The following CHRM3 variants were observed in gnomAD, a reference collection of about 807,000 sequenced individuals.
The protein encoded by CHRM3 is cholinergic receptor muscarinic 3, also known as muscarinic acetylcholine receptor M3.
In CHRM3, 11 loss-of-function variants were observed where a neutral mutation model predicts 41.8. That is an observed-to-expected ratio of 0.26 (90% confidence interval 0.17 to 0.44). CHRM3 has a LOEUF of 0.44. Among genes scored for constraint, CHRM3 ranks in the 20% least tolerant of loss-of-function variants. CHRM3 has a pLI of 1.00. For missense variants in CHRM3, 571 were observed against 745.4 expected, an observed-to-expected ratio of 0.77 and a Z score of 2.72; for synonymous variants, 297 against 301.4, an observed-to-expected ratio of 0.99 and a Z score of 0.15.
chr1:239,766,235 A>G (rs1467127126), intron 5 of CHRM3, among the ~76,000 whole-genome samples: 1 of 152,232 alleles, frequency 6.6e-6, no homozygotes, highest in Non-Finnish European at 1.5e-5. Flanking sequence ...ATTACCATAC[A>G]TGGATATGAT....
intron 4 of CHRM3, among the ~76,000 whole-genome samples, chr1:239,662,105 ATGTGTGTG>A (rs57202092): frequency 1.3e-3 from 184 of 144,828 alleles, no homozygotes; most frequent in African/African-American, 2.1e-3. Flanking sequence ...TCAGTTTTAG[ATGTGTGTG>A]TGTGTGTGTG....
At chr1:239,550,830 G>A (rs1659740136) in intron 3 of CHRM3, among the ~76,000 whole-genome samples, 1 of 152,250 alleles carries the variant, frequency 6.6e-6, no homozygotes, top group South Asian at 2.1e-4. Context: ...CAACAATGAT[G>A]AGAAATTTTC....
At chr1:239,616,937 G>C (rs976024910) in intron 3 of CHRM3, among the ~76,000 whole-genome samples, 1 of 151,546 alleles carries the variant, frequency 6.6e-6, no homozygotes, top group Non-Finnish European at 1.5e-5. Context: ...CGATGGTATA[G>C]AGTCTATGAA....
intron 5 of CHRM3, among the ~76,000 whole-genome samples, chr1:239,724,214 A>G (rs373398395): frequency 2.6e-5 from 4 of 151,878 alleles, no homozygotes; most frequent in East Asian, 1.9e-4. Context: ...TCCCAGATTT[A>G]CAGAAGTGCC....
intron 1 of CHRM3, among the ~76,000 whole-genome samples, chr1:239,390,300 C>A (rs1046212646): frequency 2.3e-4 from 35 of 152,234 alleles, no homozygotes; most frequent in African/African-American, 7.9e-4. Context: ...TCAGCAAGTC[C>A]AGCAGAAGCC....
At chr1:239,707,184 T>C (rs548687337) in intron 5 of CHRM3, 1 of 152,326 alleles carries the variant, frequency 6.6e-6, no homozygotes, top group African/African-American at 2.4e-5. Flanking sequence ...TGAAATAAGT[T>C]ATATAAAGAA....
intron 5 of CHRM3, among the ~76,000 whole-genome samples, chr1:239,783,933 T>C (rs1381688864): frequency 6.6e-6 from 1 of 152,158 alleles, no homozygotes; most frequent in East Asian, 1.9e-4. Context: ...AATGTTTAGT[T>C]CCCTCTTATA....
chr1:239,600,694 C>T (rs1383070521), intron 3 of CHRM3, among the ~76,000 whole-genome samples: 1 of 151,320 alleles, frequency 6.6e-6, no homozygotes, highest in African/African-American at 2.4e-5. Context: ...CCTTTCTTCT[C>T]CCTTTCCTCC....
chr1:239,485,580 C>T (rs1667137113), intron 1 of CHRM3, among the ~76,000 whole-genome samples: 1 of 152,112 alleles, frequency 6.6e-6, no homozygotes, highest in Non-Finnish European at 1.5e-5. Context: ...ACACCTGGCT[C>T]CCTATTATTT....
chr1:239,570,168 T>C (rs1661702266), intron 3 of CHRM3, among the ~76,000 whole-genome samples: 1 of 152,144 alleles, frequency 6.6e-6, no homozygotes, highest in Non-Finnish European at 1.5e-5. Context: ...AGTTCCCCCA[T>C]GCTGTTCTTG....
At position 239,413,799 on chromosome 1, in the gene CHRM3, A is replaced by G. The variant is rs189387336; in HGVS notation, c.-521+26572A>G. 9.8e-5 allele frequency among the ~76,000 whole-genome samples: 15 copies of G among 152,350 alleles called. No individual in the cohort carries two copies. The East Asian group carries it at 2.9e-3, about 29-fold the overall frequency. The stretch of plus-strand genomic sequence containing the variant: ...GTTCTGCGGTGTGGAGAAAGTTAGC[A>G]TAGTTCTGCAGTGTAGTTCTGCGGT... On this transcript the variant is annotated intron_variant, in intron 1 of 6. Transcript: ENST00000676153.
intron 6 of CHRM3, among the ~76,000 whole-genome samples, chr1:239,831,925 AG>A (rs1336680676): frequency 6.6e-6 from 1 of 152,224 alleles, no homozygotes; most frequent in Non-Finnish European, 1.5e-5. Flanking sequence ...CCTTCCCCAA[AG>A]GCAAACAGCC....
chr1:239,531,349 T>C (rs960383694), intron 2 of CHRM3, among the ~76,000 whole-genome samples: 1 of 152,180 alleles, frequency 6.6e-6, no homozygotes, highest in South Asian at 2.1e-4. Context: ...AGATAAACTC[T>C]TAAAATATGG....
At chr1:239,425,437 T>C (rs1662292828) in intron 1 of CHRM3, among the ~76,000 whole-genome samples, 1 of 146,852 alleles carries the variant, frequency 6.8e-6, no homozygotes, top group African/African-American at 2.5e-5. Flanking sequence ...CTTACCAAAG[T>C]AAAAAAAAAA....
At chr1:239,532,451 C>A (rs1396250840) in intron 2 of CHRM3, among the ~76,000 whole-genome samples, 1 of 150,604 alleles carries the variant, frequency 6.6e-6, no homozygotes. Context: ...CGTGGTGAAA[C>A]CCCCTCTCTA....
intron 1 of CHRM3, among the ~76,000 whole-genome samples, chr1:239,484,060 T>A (rs2148018377): frequency 6.6e-6 from 1 of 152,324 alleles, no homozygotes; most frequent in South Asian, 2.1e-4. Flanking sequence ...CTCCAAAAGA[T>A]CTTTATTTTA....
chr1:239,532,584 C>T (rs1657740664), intron 2 of CHRM3, among the ~76,000 whole-genome samples: 2 of 148,082 alleles, frequency 1.4e-5, no homozygotes, highest in Non-Finnish European at 3.0e-5. Flanking sequence ...GAGGTCACGC[C>T]ACTGCACTCT....
intron 1 of CHRM3, among the ~76,000 whole-genome samples, chr1:239,474,656 A>T (rs1474674695): frequency 6.6e-6 from 1 of 152,102 alleles, no homozygotes; most frequent in African/African-American, 2.4e-5. Flanking sequence ...AAGTAATGTA[A>T]TTATTGACAA....
chr1:239,728,911 T>C (rs1348398036), intron 5 of CHRM3, among the ~76,000 whole-genome samples: 1 of 151,976 alleles, frequency 6.6e-6, no homozygotes, highest in Non-Finnish European at 1.5e-5. Context: ...GTTTAAAGCA[T>C]TGCCTTGATC....
Sources: allele counts gnomAD v4.1 joint callset (sites outside exome capture counted in the v4.1 genomes callset), GRCh38; gene constraint gnomAD v4.1.1; transcripts MANE v1.5; gene names NCBI Gene and HGNC (gene_info 2026-07-23, HGNC 2026-07-21).